Variants in SLCO3A1 observed in about 807,000 individuals in gnomAD.
The protein encoded by SLCO3A1 is solute carrier organic anion transporter family member 3A1.
A neutral mutation model predicts 63.1 loss-of-function variants in SLCO3A1; 27 were observed. The observed-to-expected ratio is 0.43, with a 90% CI of 0.32 to 0.59. The LOEUF is 0.59. SLCO3A1 is among the 20% of genes least tolerant of loss of function. The pLI is 0.09. For synonymous variants in SLCO3A1, 473 were observed against 409.9 expected, an observed-to-expected ratio of 1.15 and a Z score of -1.86; for missense variants, 773 against 945.8, an observed-to-expected ratio of 0.82 and a Z score of 2.40.
At chr15:92,145,908 C>G (rs550857939) in intron 7 of SLCO3A1, among the ~76,000 whole-genome samples, 5 of 152,190 alleles carry the variant, frequency 3.3e-5, no homozygotes, top group African/African-American at 1.2e-4. Flanking sequence ...GGCACATGAA[C>G]ACTTTCAGAC....
intron 2 of SLCO3A1, among the ~76,000 whole-genome samples, chr15:92,041,840 T>G (rs1436996804): frequency 6.6e-6 from 1 of 151,786 alleles, no homozygotes; most frequent in Non-Finnish European, 1.5e-5. Flanking sequence ...TTTAAATATT[T>G]AATTTTAATA....
chr15:92,108,237 C>G (rs979154807), intron 4 of SLCO3A1, among the ~76,000 whole-genome samples: 1 of 152,204 alleles, frequency 6.6e-6, no homozygotes, highest in Non-Finnish European at 1.5e-5. Flanking sequence ...TTGTTAAACT[C>G]CAGTATCTCC....
intron 2 of SLCO3A1, among the ~76,000 whole-genome samples, chr15:92,079,465 C>T (rs1234373272): frequency 6.6e-6 from 1 of 152,270 alleles, no homozygotes; most frequent in Admixed American, 6.5e-5. Context: ...AGACGGCCAG[C>T]TTCTCACTGT....
At chr15:91,921,552 T>G (rs1043174108) in intron 2 of SLCO3A1, among the ~76,000 whole-genome samples, 3 of 152,180 alleles carry the variant, frequency 2.0e-5, no homozygotes, top group Admixed American at 6.5e-5. Context: ...TATAGTTTTT[T>G]TTTTAAATAA....
At chr15:92,075,190 G>A (rs2047262836) in intron 2 of SLCO3A1, among the ~76,000 whole-genome samples, 1 of 152,128 alleles carries the variant, frequency 6.6e-6, no homozygotes, top group Non-Finnish European at 1.5e-5. Flanking sequence ...GGCTTCTGGA[G>A]GGAAACTTGG....
rs969926223 is a variant in SLCO3A1, at chr15:92,033,565, G to A, written c.647-61316G>A. Among the ~76,000 whole-genome samples the A allele has an allele frequency of 9.9e-5, 15 of 152,166 alleles. No homozygotes were observed. The highest frequency in any genetic ancestry group is 1.9e-4 in the African/African-American group (8 of 41,444). ...GGACTGGCATGTGTTCGTTCAGCCCGAGCTTCCACAGCACACCACATGCTA... is the reference window on the plus strand; with the variant it reads ...GGACTGGCATGTGTTCGTTCAGCCCAAGCTTCCACAGCACACCACATGCTA... On this transcript the variant is annotated intron_variant, in intron 2 of 9. Coordinates refer to ENST00000318445, the MANE Select transcript of SLCO3A1 (RefSeq NM_013272.4). This position sits in a 1 kb window ranked among gnomAD's most constrained non-coding sequence, Gnocchi z 4.5.
chr15:92,013,469 G>A (rs568317384), intron 2 of SLCO3A1, among the ~76,000 whole-genome samples: 80 of 152,276 alleles, frequency 5.3e-4, no homozygotes, highest in African/African-American at 1.9e-3. Flanking sequence ...ACCCCTTTGT[G>A]GCAGAAGGTG....
At chr15:92,105,774 T>C (rs1404788249) in intron 4 of SLCO3A1, among the ~76,000 whole-genome samples, 1 of 152,204 alleles carries the variant, frequency 6.6e-6, no homozygotes, top group Non-Finnish European at 1.5e-5. Context: ...AGAAGGGAGA[T>C]GGTCAGTCCC....
chr15:92,122,524 C>T (rs2047874700), intron 5 of SLCO3A1, among the ~76,000 whole-genome samples: 1 of 152,184 alleles, frequency 6.6e-6, no homozygotes, highest in Non-Finnish European at 1.5e-5. Flanking sequence ...GGATGTGGAG[C>T]CACTGGAACT....
At chr15:92,123,473 T>A (rs2047887066) in intron 5 of SLCO3A1, among the ~76,000 whole-genome samples, 2 of 152,066 alleles carry the variant, frequency 1.3e-5, no homozygotes, top group African/African-American at 4.8e-5. Flanking sequence ...ATGGCCAGAT[T>A]ACCACCCCTC....
chr15:91,928,568 T>C (rs1899114982), intron 2 of SLCO3A1, among the ~76,000 whole-genome samples: 1 of 152,166 alleles, frequency 6.6e-6, no homozygotes, highest in South Asian at 2.1e-4. Context: ...TCACACTAAG[T>C]ATGAAAAGTG....
chr15:92,142,466 T>G (rs1384689190), intron 7 of SLCO3A1, among the ~76,000 whole-genome samples: 1 of 152,188 alleles, frequency 6.6e-6, no homozygotes, highest in Non-Finnish European at 1.5e-5. Context: ...TGGGGCCTCT[T>G]CTGTAAGGAC....
intron 2 of SLCO3A1, among the ~76,000 whole-genome samples, chr15:92,087,984 G>A (rs1013545330): frequency 1.3e-5 from 2 of 152,178 alleles, no homozygotes; most frequent in African/African-American, 4.8e-5. Flanking sequence ...ATTGCATCTA[G>A]AAGGAGGTAC....
chr15:91,915,556 G>A (rs1029407388), intron 1 of SLCO3A1, among the ~76,000 whole-genome samples: 1 of 152,078 alleles, frequency 6.6e-6, no homozygotes, highest in African/African-American at 2.4e-5. Flanking sequence ...AACCTCCTGC[G>A]GAAAATCTCC....
chr15:92,076,688 A>G (rs1443079082), intron 2 of SLCO3A1, among the ~76,000 whole-genome samples: 2 of 152,176 alleles, frequency 1.3e-5, no homozygotes, highest in African/African-American at 4.8e-5. Flanking sequence ...AGCCAGGGCA[A>G]TCCCCACCAG....
intron 7 of SLCO3A1, among the ~76,000 whole-genome samples, chr15:92,130,885 CAAAAAAAAAAAA>C (rs993611856): frequency 1.8e-4 from 4 of 21,802 alleles, no homozygotes; most frequent in Non-Finnish European, 5.9e-4. Context: ...AAGTTCGGGG[CAAAAAAAAAAAA>C]AAAAAAAAAA....
chr15:92,095,303 A>G (rs1007001503), intron 3 of SLCO3A1, among the ~76,000 whole-genome samples: 5 of 152,228 alleles, frequency 3.3e-5, no homozygotes, highest in African/African-American at 7.2e-5. Context: ...GAATTTAATG[A>G]GAGTGTCTGT....
chr15:92,147,739 A>G (rs185618567), intron 8 of SLCO3A1, among the ~76,000 whole-genome samples: 102 of 152,220 alleles, frequency 6.7e-4, no homozygotes, highest in African/African-American at 1.8e-3. Context: ...CCGAAATTCT[A>G]TTGTTACCTG....
chr15:92,036,596 A>T (rs1315086649), intron 2 of SLCO3A1, among the ~76,000 whole-genome samples: 1 of 152,050 alleles, frequency 6.6e-6, no homozygotes, highest in East Asian at 1.9e-4. Flanking sequence ...TTATCAAAAA[A>T]ATTGTTTCCA....
Sources: gnomAD v4.1 joint callset for allele counts (sites outside exome capture counted in the v4.1 genomes callset) on GRCh38, gnomAD v4.1.1 for gene constraint, Gnocchi (gnomAD v3.1) non-coding constraint, MANE v1.5 for transcripts, NCBI Gene and HGNC (gene_info 2026-07-23, HGNC 2026-07-21) for gene names.